Variants in ZBTB8B observed in about 807,000 individuals in gnomAD.
The protein encoded by ZBTB8B is zinc finger and BTB domain containing 8B.
A neutral mutation model predicts 30.3 loss-of-function variants in ZBTB8B; 17 were observed. The observed-to-expected ratio is 0.56, with a 90% confidence interval of 0.38 to 0.84. ZBTB8B has a LOEUF of 0.84. ZBTB8B is among the 40% of genes least tolerant of loss of function. The probability of loss-of-function intolerance (pLI) is 0.00; values close to 1 mark genes in which losing one functional copy is unlikely to be tolerated. For missense variants in ZBTB8B, 515 were observed against 644.9 expected (o/e 0.80, Z 2.18); for synonymous variants, 248 against 255.6 (o/e 0.97, Z 0.28).
At chr1:32,475,049 T>C (rs1215027131) in intron 2 of ZBTB8B, among the ~76,000 whole-genome samples, 3 of 152,262 alleles carry the variant, frequency 2.0e-5, no homozygotes, top group African/African-American at 7.2e-5. Flanking sequence ...TAAGGTGTTG[T>C]GGTGTGGCAA....
chr1:32,478,832 A>G (rs1294564806), intron 2 of ZBTB8B, among the ~76,000 whole-genome samples: 1 of 152,190 alleles, frequency 6.6e-6, no homozygotes, highest in Non-Finnish European at 1.5e-5. Flanking sequence ...AGCCCCAGAG[A>G]AAAGAGTTAC....
In ZBTB8B at chr1:32,471,622, T is replaced by C; in HGVS notation, c.991+7T>C. The C allele has an allele frequency of 2.6e-6, 4 of 1,542,056 alleles. No homozygotes were observed. Among genetic ancestry groups the C allele is most frequent in the Admixed American group, 2.0e-5 (1 of 50,784 alleles). On this transcript the variant is annotated splice_region_variant and intron_variant, in intron 2 of 3. Coordinates refer to ENST00000609129, the MANE Select transcript of ZBTB8B (RefSeq NM_001145720.2). ...TGGTATGGAGAGGACTCAGGTGAGC[T>C]CCCTTAGCATTCATCAGCCCTGCCA...
Position 32,469,246 on chromosome 1 carries a change from A to ATTTT in ZBTB8B, c.-41-1324_-41-1321dup, listed in dbSNP as rs541160413. On this transcript the variant is annotated intron_variant, in intron 1 of 3. Coordinates refer to ENST00000609129, the MANE Select transcript of ZBTB8B (RefSeq NM_001145720.2). ...TTGATACACTAAACACTCAAGTATA[A>ATTTT]TTTTTTTTTTTTTTTTTGAGACAGA... Among the ~76,000 whole-genome samples the ATTTT allele has an allele frequency of 2.2e-4, 26 of 117,342 alleles. 5 individuals carry two copies. Among genetic ancestry groups the ATTTT allele is most frequent in the East Asian group, 5.3e-4 (2 of 3,804 alleles). The allele number at this position is 117,342 out of a possible 152,430, so 77.0% of individuals were successfully genotyped here. A position where few individuals can be genotyped will look rare whatever the true frequency, so the allele number is the denominator to read the frequency against.
rs987893389 is a variant in ZBTB8B at position 32,480,915 on chromosome 1, A to G, written c.1016A>G (p.Lys339Arg). 3 of 1,551,764 alleles carry G rather than the reference A, an allele frequency of 1.9e-6. No homozygotes were observed. Among genetic ancestry groups the G allele is most frequent in the African/African-American group, 2.7e-5 (2 of 73,064 alleles). ...GGTGATGTGCTGGTGGTCCCCATCA[A>G]GCTCCACAAGTGTCCTTTCTGCCCT... is the stretch of plus-strand genomic sequence containing the variant. ...DSGDVLVVPI[K>R]LHKCPFCPYT... is the part of the protein sequence containing the mutation. The change falls in exon 3 of 4, where the codon AAG (lysine) becomes AGG (arginine). Residue 339 changes from lysine (K) to arginine (R), a missense_variant. By Grantham distance (26) the Lys-to-Arg change is conservative. Transcript: ENST00000609129.
At chr1:32,470,149 A>T (rs1643604238) in intron 1 of ZBTB8B, among the ~76,000 whole-genome samples, 1 of 152,180 alleles carries the variant, frequency 6.6e-6, no homozygotes, top group African/African-American at 2.4e-5. Flanking sequence ...TGGGAAGCCC[A>T]TATCCTAAAG....
At position 32,465,138 on chromosome 1, in the gene ZBTB8B, T is replaced by C. The variant is rs1404280420; in HGVS notation, c.-42+33T>C. Reference sequence around the variant, plus strand: ...CGAAGAAGCGGGTTGGCGCTGCCGCTTTCGTTGGTTTGGGGAGGATTCCTA... The same window carrying C: ...CGAAGAAGCGGGTTGGCGCTGCCGCCTTCGTTGGTTTGGGGAGGATTCCTA... On this transcript the variant is annotated intron_variant, in intron 1 of 3. Transcript: ENST00000609129. This position sits in a 1 kb window ranked among gnomAD's most constrained non-coding sequence, Gnocchi z 4.1. The C allele has an allele frequency of 2.0e-5, 3 of 152,370 alleles. No homozygotes were observed. The highest frequency in any genetic ancestry group is 2.9e-5 in the Non-Finnish European group (2 of 68,154). 9.4% of individuals were successfully genotyped at this position (152,370 alleles called of 1,614,324 possible). A position where few individuals can be genotyped will look rare whatever the true frequency, so the allele number is the denominator to read the frequency against.
At position 32,480,857 on chromosome 1, in the gene ZBTB8B, C is replaced by T. The variant is rs1570260675; in HGVS notation, c.992-34C>T. On this transcript the variant is annotated intron_variant, in intron 2 of 3. Coordinates refer to ENST00000609129, the MANE Select transcript of ZBTB8B (RefSeq NM_001145720.2). ...GGTAGCCAGGGTTGGTCACTGCATA[C>T]AGCACAGCTAAATGAAAGCATTTGG... The T allele has an allele frequency of 5.2e-6, 8 of 1,539,330 alleles. No homozygotes were observed. In the East Asian group the frequency reaches 2.0e-4, roughly 38 times the overall value.
At position 32,488,395 on chromosome 1, in the gene ZBTB8B, C is replaced by T. The variant is rs561787287; in HGVS notation, c.*2977C>T. On this transcript the variant is annotated 3_prime_UTR_variant, in exon 4 of 4. Transcript: ENST00000609129. ...TCTGATGTTTTAATGACTTTTCTAC[C>T]TCATAGTTCAGCCTCTTTGCCTGCT... is the stretch of plus-strand genomic sequence containing the variant. The T allele has an allele frequency of 6.6e-6, 1 of 152,306 alleles. No homozygotes were observed. Among genetic ancestry groups the T allele is most frequent in the African/African-American group, 2.4e-5 (1 of 41,558 alleles). 9.4% of individuals were successfully genotyped at this position (152,306 alleles called of 1,614,324 possible).
intron 3 of ZBTB8B, among the ~76,000 whole-genome samples, chr1:32,481,337 G>T (rs1643702914): frequency 3.9e-5 from 6 of 152,298 alleles, no homozygotes; most frequent in Admixed American, 3.3e-4. Context: ...GATAAGAGGT[G>T]ATTATTGTAA....
At chr1:32,467,409 G>A (rs977329957) in intron 1 of ZBTB8B, among the ~76,000 whole-genome samples, 1 of 151,836 alleles carries the variant, frequency 6.6e-6, no homozygotes. Flanking sequence ...CCGCCACCAT[G>A]CCCAGCTAAT....
At chr1:32,479,776 A>G (rs1302222285) in intron 2 of ZBTB8B, among the ~76,000 whole-genome samples, 2 of 152,202 alleles carry the variant, frequency 1.3e-5, no homozygotes, top group Admixed American at 6.5e-5. Context: ...AACTCACAGA[A>G]CTTGAATGGA....
At chr1:32,480,278 G>A (rs1187203580) in intron 2 of ZBTB8B, among the ~76,000 whole-genome samples, 2 of 151,724 alleles carry the variant, frequency 1.3e-5, no homozygotes, top group East Asian at 1.9e-4. Context: ...CTGGGGGTGG[G>A]GGTGAGAGGA....
At chr1:32,470,032 C>G (rs763729806) in intron 1 of ZBTB8B, among the ~76,000 whole-genome samples, 1 of 151,968 alleles carries the variant, frequency 6.6e-6, no homozygotes, top group African/African-American at 2.4e-5. Flanking sequence ...ATTACAGGCC[C>G]GGCTAAGTTT....
At position 32,465,473 on chromosome 1, in the gene ZBTB8B, A is replaced by AG. The variant is rs200124684; in HGVS notation, c.-42+372dup. 7.6e-4 allele frequency among the ~76,000 whole-genome samples: 115 copies of AG among 152,214 alleles called. 1 individual carries two copies. The highest frequency in any genetic ancestry group is 2.7e-3 in the African/African-American group (113 of 41,534). On this transcript the variant is annotated intron_variant, in intron 1 of 3. Coordinates refer to ENST00000609129, the MANE Select transcript of ZBTB8B (RefSeq NM_001145720.2). The surrounding 1 kb of genome is among the most constrained non-coding windows in gnomAD (Gnocchi z 4.1). ...CACTTTGTCCGCGGGAGGCCATGGG[A>AG]GGGGCTAGGCCTTGGGGTCCCACCC...
chr1:32,483,819 A>G (rs1471278551), intron 3 of ZBTB8B, among the ~76,000 whole-genome samples: 1 of 152,022 alleles, frequency 6.6e-6, no homozygotes, highest in Non-Finnish European at 1.5e-5. Context: ...ATTCCCAGCT[A>G]CTTGGGAAAC....
rs1317195492 is a variant in ZBTB8B, at chr1:32,470,791, A to G, written c.167A>G (p.Tyr56Cys). 1.9e-6 allele frequency: 3 copies of G among 1,551,802 alleles called. No individual in the cohort carries two copies. Among genetic ancestry groups the G allele is most frequent in the African/African-American group, 1.4e-5 (1 of 73,168 alleles). ...SGYFRALLIH[Y>C]IQDSGRHSTA... ...TACTTCCGAGCCCTGCTCATTCACT[A>G]TATCCAGGACAGCGGGCGGCATAGC... The change falls in exon 2 of 4, where the codon TAT (tyrosine) becomes TGT (cysteine). Residue 56 changes from tyrosine (Y) to cysteine (C), a missense_variant. Transcript: ENST00000609129.
chr1:32,495,404 T>G lies in ZBTB8B; in HGVS notation c.*9986T>G, dbSNP rs553067592. 1 of 152,186 alleles carries G rather than the reference T, an allele frequency of 6.6e-6. No individual in the cohort carries two copies. Among genetic ancestry groups the G allele is most frequent in the Admixed American group, 6.5e-5 (1 of 15,274 alleles). The allele number at this position is 152,186 out of a possible 1,614,324, so 9.4% of individuals were successfully genotyped here. A position where few individuals can be genotyped will look rare whatever the true frequency, so the allele number is the denominator to read the frequency against. ...ATGAAATATTTATCTAGTTTGGGATTAAAATTAACTTAGGGCCATCAAAAA... is the reference window on the plus strand; with the variant it reads ...ATGAAATATTTATCTAGTTTGGGATGAAAATTAACTTAGGGCCATCAAAAA... On this transcript the variant is annotated 3_prime_UTR_variant, in exon 4 of 4. Transcript: ENST00000609129.
In ZBTB8B at chr1:32,491,499, AG is replaced by A. The variant is rs1643779289; in HGVS notation, c.*6082del. On this transcript the variant is annotated 3_prime_UTR_variant, in exon 4 of 4. Coordinates refer to ENST00000609129, the MANE Select transcript of ZBTB8B (RefSeq NM_001145720.2). ...CACTGCTTACTAGCAAGGCAGAACC[AG>A]TTGCTCTTCTCTGAAAGTCTCTGCA... is the stretch of plus-strand genomic sequence containing the variant. The A allele has an allele frequency of 1.3e-5, 2 of 152,234 alleles. No homozygotes were observed. The highest frequency in any genetic ancestry group is 6.5e-5 in the Admixed American group (1 of 15,284). 9.4% of individuals were successfully genotyped at this position (152,234 alleles called of 1,614,324 possible).
At position 32,481,042 on chromosome 1, in the gene ZBTB8B, A is replaced by C; in HGVS notation, c.1143A>C (p.Gln381His). Residue 381 changes from glutamine (Q) to histidine (H), a missense_variant, in exon 3 of 4, where the codon CAA (glutamine) becomes CAC (histidine). Gln to His is a conservative substitution (Grantham distance 24). Transcript: ENST00000609129. ...CETCGKRFTRQEHLRSHALSV... is the reference protein window; with the variant it reads ...CETCGKRFTRHEHLRSHALSV... ...CCTGCGGCAAGAGGTTCACTCGACA[A>C]GAGCACCTGCGGAGCCACGCACTGA... 1 of 1,551,834 alleles carries C rather than the reference A, an allele frequency of 6.4e-7. No homozygotes were observed. Among genetic ancestry groups the C allele is most frequent in the Non-Finnish European group, 8.7e-7 (1 of 1,147,010 alleles).
Sources: gnomAD v4.1 joint callset for allele counts (sites outside exome capture counted in the v4.1 genomes callset) on GRCh38, gnomAD v4.1.1 for gene constraint, Gnocchi (gnomAD v3.1) non-coding constraint, MANE v1.5 for transcripts, NCBI Gene and HGNC (gene_info 2026-07-23, HGNC 2026-07-21) for gene names.